TMEM259: variants seen among roughly 807,000 people sequenced by gnomAD.
The protein encoded by TMEM259 is membralin.
A neutral mutation model predicts 46.7 loss-of-function variants in TMEM259; 26 were observed. The ratio of observed to expected loss-of-function variants is 0.56; its 90% CI spans 0.41 to 0.77. The LOEUF (loss-of-function observed/expected upper bound fraction) is 0.77. TMEM259 is among the 30% of genes least tolerant of loss of function. TMEM259 has a pLI of 0.00. For missense variants in TMEM259, 930 were observed against 900.5 expected, an observed-to-expected ratio of 1.03 and a Z score of -0.42; for synonymous variants, 494 against 395.1, an observed-to-expected ratio of 1.25 and a Z score of -2.97.
rs1048746416 is a variant in TMEM259, at chr19:1,010,456, G to T, written c.1757C>A (p.Pro586Gln). 5 of 1,537,830 alleles carry T rather than the reference G, an allele frequency of 3.3e-6. No individual in the cohort carries two copies. The highest frequency in any genetic ancestry group is 2.1e-5 in the Admixed American group (1 of 47,944). Residue 586 changes from proline to glutamine, a missense_variant, in exon 11 of 11, where the codon CCG (proline) becomes CAG (glutamine). Physicochemically the swap from Pro to Gln is moderately conservative, Grantham distance 76. Transcript: ENST00000356663. ...LPHAPQDSVP[P>Q]SDSAASDTTP... ...TGTGTCAGAAGCTGCGGAGTCACTC[G>T]GGGGGACACTGTCCTGGGGGGCGTG...
At chr19:1,013,720 G>C in intron 2 of TMEM259, 1 of 277,316 alleles carries the variant, frequency 3.6e-6, no homozygotes, top group South Asian at 4.9e-5. Flanking sequence ...ACCAGGCTGT[G>C]GGGCCCAACA....
Position 1,009,830 on chromosome 19 carries a change from T to A in TMEM259, c.*520A>T. 1 of 445,040 alleles carries A rather than the reference T, an allele frequency of 2.2e-6. No homozygotes were observed. The highest frequency in any genetic ancestry group is 3.9e-6 in the Non-Finnish European group (1 of 255,674). 27.6% of individuals were successfully genotyped at this position (445,040 alleles called of 1,614,324 possible). A position where few individuals can be genotyped will look rare whatever the true frequency, so the allele number is the denominator to read the frequency against. On this transcript the variant is annotated 3_prime_UTR_variant, in exon 11 of 11. Transcript: ENST00000356663. ...GGCTGCTGCCACTGATGTTGGCGCC[T>A]GCACCCCACGTCCCTATGCCCGAGG... is the stretch of plus-strand genomic sequence containing the variant.
Position 1,014,328 on chromosome 19 carries a change from A to G in TMEM259, c.371T>C (p.Val124Ala). ...EVRHNSSRAPVFLQFCDSGGR... is the reference protein window; with the variant it reads ...EVRHNSSRAPAFLQFCDSGGR... ...GCCGCTGTCACAGAACTGTAGGAAG[A>G]CGGGCGCGCGGCTCGAGTTGTGCCG... Residue 124 changes from valine to alanine, a missense_variant, in exon 2 of 11, where the codon GTC becomes GCC. Coordinates refer to ENST00000356663, the MANE Select transcript of TMEM259 (RefSeq NM_001033026.2). 1 of 1,613,068 alleles carries G rather than the reference A, an allele frequency of 6.2e-7. No homozygotes were observed. The highest frequency in any genetic ancestry group is 8.5e-7 in the Non-Finnish European group (1 of 1,179,934).
At chr19:1,015,107 C>T (rs531987285) in intron 1 of TMEM259, among the ~76,000 whole-genome samples, 2 of 152,344 alleles carry the variant, frequency 1.3e-5, no homozygotes, top group South Asian at 2.1e-4. Context: ...TCTCACCTGG[C>T]GGGGCGCCCT....
chr19:1,020,885 T>G lies in TMEM259; in HGVS notation c.112A>C (p.Ile38Leu), dbSNP rs2039271694. The change falls in exon 1 of 11, where the codon ATC (isoleucine) becomes CTC (leucine). Residue 38 changes from isoleucine to leucine, a missense_variant. Coordinates refer to ENST00000356663, the MANE Select transcript of TMEM259 (RefSeq NM_001033026.2). This position sits in a 1 kb window ranked among gnomAD's most constrained non-coding sequence, Gnocchi z 4.0. ...TGGAAGAGCCGGTCGCGCACGTTGA[T>G]GAGGGGGTTGGGGTTGAGATTGGGG... Reference protein sequence around the residue: ...RTPNLNPNPLINVRDRLFHAL... With the variant: ...RTPNLNPNPLLNVRDRLFHAL... 2 of 1,306,566 alleles carry G rather than the reference T, an allele frequency of 1.5e-6. No homozygotes were observed. Among genetic ancestry groups the G allele is most frequent in the South Asian group, 2.4e-5 (1 of 42,006 alleles). The allele number at this position is 1,306,566 out of a possible 1,614,324, so 80.9% of individuals were successfully genotyped here. A position where few individuals can be genotyped will look rare whatever the true frequency, so the allele number is the denominator to read the frequency against.
At chr19:1,014,161 TCTG>T (rs1403312293) in intron 2 of TMEM259, 28 bp downstream of exon 2, 4 of 1,591,170 alleles carry the variant, frequency 2.5e-6, no homozygotes, top group Non-Finnish European at 3.4e-6. Flanking sequence ...GGCGCTGGCC[TCTG>T]CTGCAGCTGA....
In TMEM259 at chr19:1,013,220, CACCTTTGGTGGGTGGCCT is replaced by C; in HGVS notation, c.607+3_607+20del. ...ACTGAGGCAACCCCGTGAGGCAGTA[CACCTTTGGTGGGTGGCCT>C]ACCTTTGGTGGGCGTCTCGGGGAAG... On this transcript the variant is annotated splice_donor_5th_base_variant and intron_variant, in intron 3 of 10. Transcript: ENST00000356663. The C allele has an allele frequency of 6.2e-7, 1 of 1,608,034 alleles. No individual in the cohort carries two copies. Among genetic ancestry groups the C allele is most frequent in the Non-Finnish European group, 8.5e-7 (1 of 1,174,758 alleles).
At chr19:1,014,127 C>T in intron 2 of TMEM259, 65 bp downstream of exon 2, 1 of 1,550,146 alleles carries the variant, frequency 6.5e-7, no homozygotes, top group Non-Finnish European at 8.8e-7. Flanking sequence ...CAGGAACCGC[C>T]CCTTCAGCGA....
In TMEM259 at chr19:1,010,738, G is replaced by A. The variant is rs1270442843; in HGVS notation, c.1475C>T (p.Ala492Val). ...GGGGGGCTGGCCGGCAGAGTCAGGG[G>A]CTGTAGCCGGGGCGCCCGAGTTGTT... ...MNNNSGAPAT[A>V]PDSAGQPPAL... The change falls in exon 11 of 11, where the codon GCC becomes GTC. Residue 492 changes from alanine (A) to valine (V), a missense_variant. Coordinates refer to ENST00000356663, the MANE Select transcript of TMEM259 (RefSeq NM_001033026.2). 2.0e-6 allele frequency: 3 copies of A among 1,532,442 alleles called. No homozygotes were observed. The highest frequency in any genetic ancestry group is 2.7e-5 in the African/African-American group (2 of 72,864). 94.9% of individuals were successfully genotyped at this position (1,532,442 alleles called of 1,614,324 possible).
chr19:1,012,096 T>A lies in TMEM259; in HGVS notation c.811A>T (p.Lys271Ter), dbSNP rs1325799196. 6 of 1,611,744 alleles carry A rather than the reference T, an allele frequency of 3.7e-6. No homozygotes were observed. The highest frequency in any genetic ancestry group is 5.1e-6 in the Non-Finnish European group (6 of 1,179,432). Residue 271 changes from lysine to a stop codon, truncating the protein, a stop_gained, in exon 5 of 11, where the codon AAG (lysine) becomes TAG (stop). Coordinates refer to ENST00000356663, the MANE Select transcript of TMEM259 (RefSeq NM_001033026.2). LOFTEE classifies it high-confidence loss of function. ...GYDDILMSSV[K>*]GLAENEENKG... is the part of the protein sequence containing the mutation. ...TTCTCCTCGTTCTCGGCCAGGCCCTTCACGCTGGACATGAGGATGTCATCG... is the reference window on the plus strand; with the variant it reads ...TTCTCCTCGTTCTCGGCCAGGCCCTACACGCTGGACATGAGGATGTCATCG...
chr19:1,018,497 C>G (rs1317827303), intron 1 of TMEM259, among the ~76,000 whole-genome samples: 2 of 152,150 alleles, frequency 1.3e-5, no homozygotes, highest in South Asian at 2.1e-4. Flanking sequence ...GGGATCATAC[C>G]AGGGAGGACC....
Position 1,010,703 on chromosome 19 carries a change from G to C in TMEM259, c.1510C>G (p.Pro504Ala), listed in dbSNP as rs1429274742. Reference protein sequence around the residue: ...DSAGQPPALGPVSPGASGSPG... With the variant: ...DSAGQPPALGAVSPGASGSPG... ...CTCCCGCTGGCCCCAGGCGAGACGG[G>C]GCCCAGGGCGGGGGGCTGGCCGGCA... Residue 504 changes from proline to alanine, a missense_variant, in exon 11 of 11, where the codon CCC becomes GCC. Physicochemically the swap from Pro to Ala is conservative, Grantham distance 27. Coordinates refer to ENST00000356663, the MANE Select transcript of TMEM259 (RefSeq NM_001033026.2). The C allele has an allele frequency of 6.5e-7, 1 of 1,528,820 alleles. No individual in the cohort carries two copies. Among genetic ancestry groups the C allele is most frequent in the Non-Finnish European group, 8.7e-7 (1 of 1,144,064 alleles). The allele number at this position is 1,528,820 out of a possible 1,614,324, so 94.7% of individuals were successfully genotyped here. A position where few individuals can be genotyped will look rare whatever the true frequency, so the allele number is the denominator to read the frequency against.
In TMEM259 at chr19:1,009,682, C is replaced by T; in HGVS notation, c.*668G>A. ...GTCAACAGACAGTTTATTCTATATACAAACACAATTTTGTACACTGCAATT... is the reference window on the plus strand; with the variant it reads ...GTCAACAGACAGTTTATTCTATATATAAACACAATTTTGTACACTGCAATT... On this transcript the variant is annotated 3_prime_UTR_variant, in exon 11 of 11. Coordinates refer to ENST00000356663, the MANE Select transcript of TMEM259 (RefSeq NM_001033026.2). 8.6e-7 allele frequency: 1 copy of T among 1,159,802 alleles called. No homozygotes were observed. The highest frequency in any genetic ancestry group is 1.1e-6 in the Non-Finnish European group (1 of 886,638). 71.8% of individuals were successfully genotyped at this position (1,159,802 alleles called of 1,614,324 possible).
At chr19:1,013,882 T>C (rs1489155215) in intron 2 of TMEM259, among the ~76,000 whole-genome samples, 1 of 152,018 alleles carries the variant, frequency 6.6e-6, no homozygotes, top group African/African-American at 2.4e-5. Context: ...TGCTGCCCAC[T>C]GCATCCCCAG....
Position 1,010,752 on chromosome 19 carries a change from G to C in TMEM259, c.1461C>G (p.Gly487=), listed in dbSNP as rs910938492. 5 of 1,535,968 alleles carry C rather than the reference G, an allele frequency of 3.3e-6. No homozygotes were observed. Among genetic ancestry groups the C allele is most frequent in the Non-Finnish European group, 4.4e-6 (5 of 1,147,812 alleles). ...ALPDDMNNNS[G]APATAPDSAG... ...CAGAGTCAGGGGCTGTAGCCGGGGC[G>C]CCCGAGTTGTTGTTCATGTCATCGG... The change falls in exon 11 of 11, where the codon GGC becomes GGG. Residue 487 remains glycine, a synonymous_variant. Transcript: ENST00000356663.
chr19:1,020,942 C>T lies in TMEM259; in HGVS notation c.55G>A (p.Gly19Ser). 2.4e-6 allele frequency: 3 copies of T among 1,265,578 alleles called. No individual in the cohort carries two copies. Among genetic ancestry groups the T allele is most frequent in the South Asian group, 3.6e-5 (1 of 27,958 alleles). The allele number at this position is 1,265,578 out of a possible 1,614,324, so 78.4% of individuals were successfully genotyped here. Reference sequence around the variant, plus strand: ...GGCCCGCGCGCGGGGGCCGGGCCGCCGCCGCCGCCGTTGGGCCCGGGCCCC... The same window carrying T: ...GGCCCGCGCGCGGGGGCCGGGCCGCTGCCGCCGCCGTTGGGCCCGGGCCCC... Reference protein sequence around the residue: ...APGPGPNGGGGGPAPARGPRT... With the variant: ...APGPGPNGGGSGPAPARGPRT... Residue 19 changes from glycine to serine, a missense_variant, in exon 1 of 11, where the codon GGC (glycine) becomes AGC (serine). Physicochemically the swap from Gly to Ser is moderately conservative, Grantham distance 56 (BLOSUM62 0). Transcript: ENST00000356663. The surrounding 1 kb of genome is among the most constrained non-coding windows in gnomAD (Gnocchi z 4.0).
At position 1,010,815 on chromosome 19, in the gene TMEM259, C is replaced by T. The variant is rs1220631074; in HGVS notation, c.1398G>A (p.Gln466=). ...QQVRIQEMLL[Q]APPLGPGTPT... Reference sequence around the variant, plus strand: ...GGGTCCCGGGGCCCAGTGGCGGCGCCTGAAGCAGCATCTCCTGGATGCGGA... The same window carrying T: ...GGGTCCCGGGGCCCAGTGGCGGCGCTTGAAGCAGCATCTCCTGGATGCGGA... The change falls in exon 11 of 11, where the codon CAG becomes CAA. Residue 466 remains glutamine, a synonymous_variant. Transcript: ENST00000356663. 1 of 1,585,526 alleles carries T rather than the reference C, an allele frequency of 6.3e-7. No individual in the cohort carries two copies. The highest frequency in any genetic ancestry group is 1.1e-5 in the South Asian group (1 of 89,178).
At chr19:1,015,068 C>A (rs756596564) in intron 1 of TMEM259, among the ~76,000 whole-genome samples, 1 of 152,266 alleles carries the variant, frequency 6.6e-6, no homozygotes, top group Non-Finnish European at 1.5e-5. Context: ...CCCAGCACTC[C>A]CCTGATCTCA....
At position 1,009,907 on chromosome 19, in the gene TMEM259, G is replaced by A. The variant is rs2038841046; in HGVS notation, c.*443C>T. The A allele has an allele frequency of 5.7e-6, 2 of 351,426 alleles. No individual in the cohort carries two copies. The highest frequency in any genetic ancestry group is 2.1e-5 in the African/African-American group (1 of 46,730). 21.8% of individuals were successfully genotyped at this position (351,426 alleles called of 1,614,324 possible). On this transcript the variant is annotated 3_prime_UTR_variant, in exon 11 of 11. Transcript: ENST00000356663. ...CAAGCCTGGCGCACACGCGGGGAGGGCGGGGCCATGGAGAAGGCACTGCAG... is the reference window on the plus strand; with the variant it reads ...CAAGCCTGGCGCACACGCGGGGAGGACGGGGCCATGGAGAAGGCACTGCAG...
Sources: allele counts gnomAD v4.1 joint callset (sites outside exome capture counted in the v4.1 genomes callset), GRCh38; gene constraint gnomAD v4.1.1; non-coding constraint Gnocchi (gnomAD v3.1); transcripts MANE v1.5; gene names NCBI Gene and HGNC (gene_info 2026-07-23, HGNC 2026-07-21).